ITGA7: variants seen among roughly 807,000 people sequenced by gnomAD.
The protein encoded by ITGA7 is integrin alpha-7.
A neutral mutation model predicts 131.6 loss-of-function variants in ITGA7; 84 were observed. The ratio of observed to expected loss-of-function variants is 0.64; its 90% CI spans 0.54 to 0.77. The LOEUF (loss-of-function observed/expected upper bound fraction) is 0.77. ITGA7 is among the 30% of genes least tolerant of loss of function. The pLI is 0.00. For missense variants in ITGA7, 1,399 were observed against 1,482.9 expected, an observed-to-expected ratio of 0.94 and a Z score of 0.93; for synonymous variants, 548 against 600.7, an observed-to-expected ratio of 0.91 and a Z score of 1.28.
chr12:55,692,908 C>A lies in ITGA7; in HGVS notation c.2780G>T (p.Arg927Leu), dbSNP rs200712509. 11 of 1,614,038 alleles carry A rather than the reference C, an allele frequency of 6.8e-6. No homozygotes were observed. The highest frequency in any genetic ancestry group is 9.3e-6 in the Non-Finnish European group (11 of 1,180,040). Residue 927 changes from arginine (R) to leucine (L), a missense_variant, in exon 21 of 25, where the codon CGG becomes CTG. Arg to Leu is a moderately radical substitution (Grantham distance 102, BLOSUM62 -2). Coordinates refer to ENST00000257879, the MANE Select transcript of ITGA7 (RefSeq NM_002206.3). Reference protein sequence around the residue: ...EPPEQQEPGERQEPSMSWWPV... With the variant: ...EPPEQQEPGELQEPSMSWWPV... ...CCACCAGGACATGCTGGGCTCCTGC[C>A]GCTCACCAGGCTCCTGCTGCTCAGG...
Position 55,698,706 on chromosome 12 carries a change from T to C in ITGA7, c.998+4A>G. The C allele has an allele frequency of 6.2e-7, 1 of 1,613,902 alleles. No homozygotes were observed. Among genetic ancestry groups the C allele is most frequent in the Middle Eastern group, 1.6e-4 (1 of 6,062 alleles). On this transcript the variant is annotated splice_donor_region_variant and intron_variant, in intron 6 of 24. Coordinates refer to ENST00000257879, the MANE Select transcript of ITGA7 (RefSeq NM_002206.3). ...TCAGGTGGCACGGCCCTCTACCCAC[T>C]CACCCATCACTGTTGAGGTCAGCCA...
Position 55,707,490 on chromosome 12 carries a change from G to C in ITGA7, c.193C>G (p.Arg65Gly), listed in dbSNP as rs17854602. 15 of 1,613,448 alleles carry C rather than the reference G, an allele frequency of 9.3e-6. No homozygotes were observed. In the East Asian group the frequency reaches 3.3e-4, roughly 36 times the overall value. Residue 65 changes from arginine to glycine, a missense_variant, in exon 1 of 25, where the codon CGA becomes GGA. By Grantham distance (125) the Arg-to-Gly change is moderately radical. Coordinates refer to ENST00000257879, the MANE Select transcript of ITGA7 (RefSeq NM_002206.3). ...SVALHRQLQP[R>G]PQSWLLVGAP... ...GCGGTGACTCACCAGCTCTGGGGTC[G>C]GGGCTGCAACTGCCGGTGCAGGGCC... is the stretch of plus-strand genomic sequence containing the variant.
Position 55,685,180 on chromosome 12 carries a change from T to C in ITGA7, c.3292A>G (p.Thr1098Ala), listed in dbSNP as rs1869804463. Residue 1098 changes from threonine (T) to alanine (A), a missense_variant, in exon 25 of 25, where the codon ACC (threonine) becomes GCC (alanine). Coordinates refer to ENST00000257879, the MANE Select transcript of ITGA7 (RefSeq NM_002206.3). ...CTGCCCCAGTTGTTCCTCAGGATGG[T>C]GCCCGTCTTCTCCTCCTTGAACTGC... The part of the protein sequence containing the change: ...RQQFKEEKTG[T>A]ILRNNWGSPR... 1.9e-6 allele frequency: 3 copies of C among 1,614,030 alleles called. No individual in the cohort carries two copies. The highest frequency in any genetic ancestry group is 1.1e-5 in the South Asian group (1 of 91,090).
chr12:55,709,672 G>A (rs903353640), upstream of ITGA7, among the ~76,000 whole-genome samples: 1 of 149,746 alleles, frequency 6.7e-6, no homozygotes, highest in African/African-American at 2.5e-5. Context: ...CTGACTCCCT[G>A]CCCAGGTCCC....
chr12:55,716,121 C>T, upstream of ITGA7: 2 of 1,609,514 alleles, frequency 1.2e-6, no homozygotes, highest in South Asian at 1.1e-5. Context: ...ACCCAGCCCC[C>T]AGCCCGACGT....
chr12:55,708,241 T>C (rs902071050), upstream of ITGA7, among the ~76,000 whole-genome samples: 1 of 151,828 alleles, frequency 6.6e-6, no homozygotes, highest in Non-Finnish European at 1.5e-5. Context: ...AGATGAGAAG[T>C]TGGGAAGACG....
upstream of ITGA7, among the ~76,000 whole-genome samples, chr12:55,709,213 G>A (rs1875802260): frequency 6.6e-6 from 1 of 152,044 alleles, no homozygotes; most frequent in Non-Finnish European, 1.5e-5. Flanking sequence ...TTCTAGTGTT[G>A]TCTCTGCCCT....
rs200213558 is a variant in ITGA7, at chr12:55,687,169, C to T, written c.3183+802G>A. Among the ~76,000 whole-genome samples, 808 of 87,628 alleles carry T rather than the reference C, an allele frequency of 9.2e-3. 7 individuals carry two copies. The highest frequency in any genetic ancestry group is 0.033 in the African/African-American group (553 of 16,962). 57.5% of individuals were successfully genotyped at this position (87,628 alleles called of 152,430 possible). A position where few individuals can be genotyped will look rare whatever the true frequency, so the allele number is the denominator to read the frequency against. The stretch of plus-strand genomic sequence containing the variant: ...TGAGAACGAGATCTGCATCTGATTT[C>T]TTTTTTTTTTTTTTTTTTTTTTTTT... On this transcript the variant is annotated intron_variant, in intron 24 of 24. Transcript: ENST00000257879.
At chr12:55,714,529 T>G (rs7297608), upstream of ITGA7, among the ~76,000 whole-genome samples, 2 of 90,826 alleles carry the variant, frequency 2.2e-5, no homozygotes, top group African/African-American at 1.0e-4. Context: ...AAAAAAAAAA[T>G]ACAAAAATTA....
At chr12:55,686,119 C>A (rs766532894) in intron 24 of ITGA7, 11 of 706,728 alleles carry the variant, frequency 1.6e-5, no homozygotes, top group Non-Finnish European at 2.3e-5. Flanking sequence ...CATTCCTGAT[C>A]CCCTGAATGC....
chr12:55,705,227 G>C (rs1191297463), intron 1 of ITGA7, among the ~76,000 whole-genome samples: 3 of 152,102 alleles, frequency 2.0e-5, no homozygotes, highest in African/African-American at 7.2e-5. Flanking sequence ...TCGATCCTTA[G>C]TGGAACAAGA....
rs146234512 is a variant in ITGA7, at chr12:55,699,577, A to C, written c.790+293T>G. 7.6e-5 allele frequency: 36 copies of C among 476,090 alleles called. No homozygotes were observed. The East Asian group carries it at 1.4e-3, about 19-fold the overall frequency. The allele number at this position is 476,090 out of a possible 1,614,324, so 29.5% of individuals were successfully genotyped here. A position where few individuals can be genotyped will look rare whatever the true frequency, so the allele number is the denominator to read the frequency against. ...TCCCCTCAGGGAAAGTCCCCCTAGA[A>C]GACAGGACTGTCCTTCCCAAAATAT... On this transcript the variant is annotated intron_variant, in intron 5 of 24. Transcript: ENST00000257879.
chr12:55,716,039 G>A (rs772793712), upstream of ITGA7: 89 of 1,544,742 alleles, frequency 5.8e-5, no homozygotes, highest in Non-Finnish European at 7.0e-5. Context: ...ACGTGACACA[G>A]CGGTCACGTG....
At chr12:55,711,477 C>CA (rs34371136), upstream of ITGA7, among the ~76,000 whole-genome samples, 70,645 of 139,434 alleles carry the variant, frequency 0.51, 18,188 homozygotes, top group East Asian at 0.93. Flanking sequence ...GACTCTGCCT[C>CA]AAAAAAAAAA....
chr12:55,695,504 GCTCT>G lies in ITGA7; in HGVS notation c.2003+14_2003+17del. ...ACTCTTGCCCTCCCACCCCCACCCT[GCTCT>G]CTGCCCCCCTCACATGGGCAGAGGT... On this transcript the variant is annotated intron_variant, in intron 14 of 24. Transcript: ENST00000257879. 7.4e-7 allele frequency: 1 copy of G among 1,360,362 alleles called. No homozygotes were observed. The highest frequency in any genetic ancestry group is 1.1e-6 in the Non-Finnish European group (1 of 950,180). 84.3% of individuals were successfully genotyped at this position (1,360,362 alleles called of 1,614,324 possible).
At chr12:55,689,799 G>A (rs1157822070) in intron 21 of ITGA7, among the ~76,000 whole-genome samples, 1 of 152,134 alleles carries the variant, frequency 6.6e-6, no homozygotes, top group African/African-American at 2.4e-5. Flanking sequence ...ACAGAACAGA[G>A]CCCTCAGAAA....
chr12:55,716,182 G>A, upstream of ITGA7: 1 of 1,610,500 alleles, frequency 6.2e-7, no homozygotes, highest in Admixed American at 1.7e-5. Flanking sequence ...CAGAATGAAC[G>A]CAAGGAGCTG....
chr12:55,693,264 G>C lies in ITGA7; in HGVS notation c.2589C>G (p.Ile863Met). ...LRTLGSAFLN[I>M]MWPHEIANGK... ...CATTGGCAATCTCATGAGGCCACAT[G>C]ATGTTGAGGAAGGCAGAGCCCAGGG... is the stretch of plus-strand genomic sequence containing the variant. Residue 863 changes from isoleucine to methionine, a missense_variant, in exon 20 of 25, where the codon ATC (isoleucine) becomes ATG (methionine). Coordinates refer to ENST00000257879, the MANE Select transcript of ITGA7 (RefSeq NM_002206.3). 6.2e-7 allele frequency: 1 copy of C among 1,614,072 alleles called. No homozygotes were observed. The highest frequency in any genetic ancestry group is 8.5e-7 in the Non-Finnish European group (1 of 1,180,028).
chr12:55,684,928 G>T lies in ITGA7; in HGVS notation c.*130C>A. ...GTTCTTGTGGGTGGGAGAGGTCTGT[G>T]CCCCTGAGGAAGCCGATCCTGCCAA... On this transcript the variant is annotated 3_prime_UTR_variant, in exon 25 of 25. Coordinates refer to ENST00000257879, the MANE Select transcript of ITGA7 (RefSeq NM_002206.3). The T allele has an allele frequency of 1.4e-6, 1 of 722,454 alleles. No homozygotes were observed. The highest frequency in any genetic ancestry group is 2.2e-6 in the Non-Finnish European group (1 of 447,630). 44.8% of individuals were successfully genotyped at this position (722,454 alleles called of 1,614,324 possible).
Sources: gnomAD v4.1 joint callset for allele counts (sites outside exome capture counted in the v4.1 genomes callset) on GRCh38, gnomAD v4.1.1 for gene constraint, MANE v1.5 for transcripts, NCBI Gene and HGNC (gene_info 2026-07-23, HGNC 2026-07-21) for gene names.